Variants in GLI3 observed in about 807,000 individuals in gnomAD.
GLI3 encodes the protein GLI family zinc finger 3.
In GLI3, 20 loss-of-function variants were observed where a neutral mutation model predicts 100.8. The ratio of observed to expected loss-of-function variants is 0.20; its 90% CI spans 0.14 to 0.29. GLI3 has a LOEUF of 0.29. Among genes scored for constraint, GLI3 ranks in the 10% least tolerant of loss-of-function variants. The pLI is 1.00. For missense variants in GLI3, 2,040 were observed against 2,128.5 expected, an observed-to-expected ratio of 0.96 and a Z score of 0.82; for synonymous variants, 938 against 860.5, an observed-to-expected ratio of 1.09 and a Z score of -1.58.
Position 42,026,338 on chromosome 7 carries a change from T to C in GLI3, c.1103A>G (p.Gln368Arg). The change falls in exon 8 of 15, where the codon CAG (glutamine) becomes CGG (arginine). Residue 368 changes from glutamine to arginine, a missense_variant. Physicochemically the swap from Gln to Arg is conservative, Grantham distance 43. Around this residue, in one of 5 missense-constraint regions of GLI3, gnomAD observed 603 missense variants for 690.9 expected, o/e 0.87. Coordinates refer to ENST00000395925, the MANE Select transcript of GLI3 (RefSeq NM_000168.6). ...GTGTCCAAAGGCTGAACCTAAGCTCTGTTGTCGGCTTAGGATCTGCTGATG... is the reference window on the plus strand; with the variant it reads ...GTGTCCAAAGGCTGAACCTAAGCTCCGTTGTCGGCTTAGGATCTGCTGATG... ...HMHQQILSRQ[Q>R]SLGSAFGHSP... The C allele has an allele frequency of 1.2e-6, 2 of 1,614,078 alleles. No homozygotes were observed. Among genetic ancestry groups the C allele is most frequent in the South Asian group, 2.2e-5 (2 of 91,082 alleles).
At chr7:42,166,054 G>A (rs1304811206) in intron 2 of GLI3, among the ~76,000 whole-genome samples, 2 of 152,132 alleles carry the variant, frequency 1.3e-5, no homozygotes, top group Non-Finnish European at 2.9e-5. Flanking sequence ...CACAAACCTT[G>A]CATGAAGCCC....
At chr7:42,006,891 A>G (rs1306829685) in intron 10 of GLI3, among the ~76,000 whole-genome samples, 7 of 152,182 alleles carry the variant, frequency 4.6e-5, no homozygotes, top group African/African-American at 1.7e-4. Context: ...CTTAGTTTCT[A>G]AATTTCTTAA....
intron 2 of GLI3, among the ~76,000 whole-genome samples, chr7:42,177,892 G>A (rs1583624248): frequency 6.6e-6 from 1 of 152,250 alleles, no homozygotes; most frequent in East Asian, 1.9e-4. Flanking sequence ...GCTTTGCTAG[G>A]GGCAGTATCA....
chr7:42,246,803 A>ATTTTTT (rs1198985258), intron 1 of GLI3, among the ~76,000 whole-genome samples: 8 of 63,376 alleles, frequency 1.3e-4, no homozygotes, highest in Admixed American at 2.3e-4. Context: ...GGATGATAGA[A>ATTTTTT]TCTTTTTTTT....
chr7:42,004,892 T>A (rs193067808), intron 10 of GLI3, among the ~76,000 whole-genome samples: 6 of 152,356 alleles, frequency 3.9e-5, no homozygotes, highest in Non-Finnish European at 8.8e-5. Flanking sequence ...CTAAAATTCA[T>A]CTGTTTAACT....
chr7:42,209,086 A>G (rs1332266196), intron 2 of GLI3, among the ~76,000 whole-genome samples: 2 of 152,110 alleles, frequency 1.3e-5, no homozygotes, highest in Admixed American at 1.3e-4. Flanking sequence ...ACAGGGTCTC[A>G]CTCTGCTGCC....
Position 41,965,662 on chromosome 7 carries a change from G to T in GLI3, c.3411C>A (p.Ser1137Arg), listed in dbSNP as rs896103474. 16 of 1,612,780 alleles carry T rather than the reference G, an allele frequency of 9.9e-6. No homozygotes were observed. Among genetic ancestry groups the T allele is most frequent in the Admixed American group, 1.7e-5 (1 of 60,000 alleles). The change falls in exon 15 of 15, where the codon AGC (serine) becomes AGA (arginine). Residue 1137 changes from serine to arginine, a missense_variant. Ser to Arg is a moderately radical substitution (Grantham distance 110). Transcript: ENST00000395925. ...GGGCATGGAACTGCTGGCCAGCGTG[G>T]CTGTCTGGCAGCCCGGGCGCGTCAA... ...GDFDAPGLPDSHAGQQFHALE... is the reference protein window; with the variant it reads ...GDFDAPGLPDRHAGQQFHALE...
chr7:42,098,992 T>C (rs1003926739), intron 3 of GLI3, among the ~76,000 whole-genome samples: 51 of 152,072 alleles, frequency 3.4e-4, no homozygotes, highest in African/African-American at 1.1e-3. Flanking sequence ...TCGCCATTCA[T>C]CCAGGGATAC....
intron 9 of GLI3, among the ~76,000 whole-genome samples, chr7:42,024,346 A>G (rs1329338072): frequency 6.6e-6 from 1 of 152,206 alleles, no homozygotes; most frequent in Non-Finnish European, 1.5e-5. Context: ...GGGCTAGATG[A>G]TAAAAGCCAT....
intron 10 of GLI3, among the ~76,000 whole-genome samples, chr7:42,018,442 A>C (rs1045093522): frequency 1.3e-5 from 2 of 152,214 alleles, no homozygotes; most frequent in African/African-American, 4.8e-5. Flanking sequence ...TAGACAATGC[A>C]ACTTTAGCAA....
At chr7:42,073,420 T>C (rs1784821267) in intron 4 of GLI3, among the ~76,000 whole-genome samples, 1 of 152,240 alleles carries the variant, frequency 6.6e-6, no homozygotes, top group African/African-American at 2.4e-5. Flanking sequence ...TAATAAGCCA[T>C]GGTTGGAAAA....
intron 10 of GLI3, among the ~76,000 whole-genome samples, chr7:41,984,703 C>T (rs1400983825): frequency 6.6e-6 from 1 of 152,196 alleles, no homozygotes; most frequent in African/African-American, 2.4e-5. Context: ...GGGGGAAACG[C>T]GAAGCTTCAG....
At chr7:42,126,524 G>C (rs1363603299) in intron 3 of GLI3, among the ~76,000 whole-genome samples, 3 of 152,188 alleles carry the variant, frequency 2.0e-5, no homozygotes, top group Non-Finnish European at 4.4e-5. Context: ...TCAAGACCTA[G>C]AGAAAGTTAA....
At chr7:42,222,078 G>C (rs1315834659) in intron 2 of GLI3, among the ~76,000 whole-genome samples, 1 of 152,174 alleles carries the variant, frequency 6.6e-6, no homozygotes, top group East Asian at 1.9e-4. Flanking sequence ...CAGACATGGA[G>C]GGACCCAGAG....
rs761103512 is a variant in GLI3, at chr7:42,148,326, C to T, written c.267G>A (p.Glu89=). 6.2e-7 allele frequency: 1 copy of T among 1,613,804 alleles called. No individual in the cohort carries two copies. Among genetic ancestry groups the T allele is most frequent in the Admixed American group, 1.7e-5 (1 of 59,958 alleles). Residue 89 remains glutamate, a synonymous_variant, in exon 3 of 15, where the codon GAG becomes GAA. Transcript: ENST00000395925. ...SDERASLIKK[E]IHGSLPHVAE... is the part of the protein sequence containing the mutation. ...CCACGTGTGGCAGGGACCCATGGAT[C>T]TCTTTCTTGATCAATGAGGCCCTCT...
At chr7:42,245,500 A>G (rs1788961535) in intron 1 of GLI3, among the ~76,000 whole-genome samples, 1 of 152,130 alleles carries the variant, frequency 6.6e-6, no homozygotes, top group Non-Finnish European at 1.5e-5. Flanking sequence ...TAACACAGTG[A>G]AACCCTGCCT....
At chr7:42,228,237 A>T (rs1788623407) in intron 1 of GLI3, among the ~76,000 whole-genome samples, 1 of 152,116 alleles carries the variant, frequency 6.6e-6, no homozygotes, top group Non-Finnish European at 1.5e-5. Flanking sequence ...AGCAAACAGA[A>T]CATGCTGGAT....
At position 42,261,159 on chromosome 7, in the gene GLI3, G is replaced by T. The variant is rs372519711; in HGVS notation, c.-43+2835C>A. 2.6e-5 allele frequency among the ~76,000 whole-genome samples: 4 copies of T among 151,176 alleles called. No individual in the cohort carries two copies. In the East Asian group the frequency reaches 7.8e-4, roughly 30 times the overall value. On this transcript the variant is annotated intron_variant, in intron 1 of 2. Transcript: ENST00000678978. The stretch of plus-strand genomic sequence containing the variant: ...CATGGCAGAAGGCAAAGGTGGAGCA[G>T]GCATGTCACATGGTGACAGCAGGAA...
chr7:42,108,727 A>G (rs2128765383), intron 3 of GLI3, among the ~76,000 whole-genome samples: 1 of 152,334 alleles, frequency 6.6e-6, no homozygotes, highest in Admixed American at 6.5e-5. Context: ...TTACAGAGGG[A>G]AAAAGAAAGA....
Sources: allele counts gnomAD v4.1 joint callset (sites outside exome capture counted in the v4.1 genomes callset), GRCh38; gene constraint gnomAD v4.1.1; regional missense constraint gnomAD v4.1.1; transcripts MANE v1.5; gene names NCBI Gene and HGNC (gene_info 2026-07-23, HGNC 2026-07-21).